Variants in OPCML observed in about 807,000 individuals in gnomAD.
The protein encoded by OPCML is opioid binding protein/cell adhesion molecule like, also known as opioid-binding protein/cell adhesion molecule.
In OPCML, 13 loss-of-function variants were observed where a neutral mutation model predicts 37.8. The ratio of observed to expected loss-of-function variants is 0.34; its 90% CI spans 0.22 to 0.55. The LOEUF (loss-of-function observed/expected upper bound fraction) is 0.55. Ranked by LOEUF, OPCML falls within the 20% of genes least tolerant of loss-of-function variation. The pLI is 0.91. For missense variants in OPCML, 341 were observed against 435.6 expected (o/e 0.78, Z 1.93); for synonymous variants, 176 against 168.8 (o/e 1.04, Z -0.33).
At chr11:132,676,630 T>C (rs1188061314) in intron 2 of OPCML, among the ~76,000 whole-genome samples, 2 of 151,520 alleles carry the variant, frequency 1.3e-5, no homozygotes, top group Non-Finnish European at 3.0e-5. Flanking sequence ...CAAAACTATC[T>C]GAATAGATAT....
intron 2 of OPCML, among the ~76,000 whole-genome samples, chr11:132,740,549 G>A (rs929166757): frequency 2.6e-5 from 4 of 152,142 alleles, no homozygotes; most frequent in East Asian, 1.9e-4. Flanking sequence ...AAGGTCTGGG[G>A]AGCCCTCTCA....
At chr11:133,420,610 G>A in intron 1 of OPCML, 1 of 985,100 alleles carries the variant, frequency 1.0e-6, no homozygotes, top group Non-Finnish European at 1.2e-6. Flanking sequence ...ATCACTATCT[G>A]TGGTAATGAT....
At chr11:132,672,211 T>G (rs1170129808) in intron 2 of OPCML, among the ~76,000 whole-genome samples, 2 of 152,136 alleles carry the variant, frequency 1.3e-5, no homozygotes, top group Non-Finnish European at 2.9e-5. Flanking sequence ...TCTACTCAAA[T>G]TAACTGTGGG....
chr11:133,044,991 T>C (rs570450512), intron 1 of OPCML, among the ~76,000 whole-genome samples: 111 of 152,134 alleles, frequency 7.3e-4, no homozygotes, highest in African/African-American at 2.5e-3. Flanking sequence ...TCTTTGGTTA[T>C]AAGCAAAAGA....
intron 1 of OPCML, among the ~76,000 whole-genome samples, chr11:133,500,506 G>A (rs974726663): frequency 1.3e-5 from 2 of 152,144 alleles, no homozygotes; most frequent in Non-Finnish European, 2.9e-5. Flanking sequence ...TATATTTCTC[G>A]AGTCTCCAGT....
chr11:132,791,194 A>G (rs1195408357), intron 2 of OPCML, among the ~76,000 whole-genome samples: 1 of 152,180 alleles, frequency 6.6e-6, no homozygotes, highest in African/African-American at 2.4e-5. Flanking sequence ...CTCGTCCACG[A>G]TCACACACTG....
chr11:132,722,873 T>C (rs985913633), intron 2 of OPCML, among the ~76,000 whole-genome samples: 6 of 152,206 alleles, frequency 3.9e-5, no homozygotes, highest in Non-Finnish European at 5.9e-5. Context: ...TCACTTTATA[T>C]GCTTTATCTT....
At chr11:133,444,093 CAG>C (rs1457351312) in intron 1 of OPCML, among the ~76,000 whole-genome samples, 1 of 152,078 alleles carries the variant, frequency 6.6e-6, no homozygotes, top group Non-Finnish European at 1.5e-5. Context: ...CCTCTGAGAA[CAG>C]GGGAGACACG....
chr11:133,389,951 C>T (rs1945132874), intron 1 of OPCML, among the ~76,000 whole-genome samples: 1 of 152,176 alleles, frequency 6.6e-6, no homozygotes, highest in Non-Finnish European at 1.5e-5. Flanking sequence ...TGAGGCCATC[C>T]CTGGAGCATG....
chr11:132,687,952 C>A (rs1361496668), intron 2 of OPCML, among the ~76,000 whole-genome samples: 1 of 152,072 alleles, frequency 6.6e-6, no homozygotes, highest in Non-Finnish European at 1.5e-5. Context: ...AGAATGCACT[C>A]CAGGAGACTT....
chr11:133,486,945 C>T (rs1408415594), intron 1 of OPCML, among the ~76,000 whole-genome samples: 1 of 151,370 alleles, frequency 6.6e-6, no homozygotes, highest in Non-Finnish European at 1.5e-5. Context: ...GCATCAAAAA[C>T]TCTCTGGCTC....
At chr11:133,037,903 G>C (rs1248203903) in intron 1 of OPCML, among the ~76,000 whole-genome samples, 1 of 152,216 alleles carries the variant, frequency 6.6e-6, no homozygotes, top group East Asian at 1.9e-4. Flanking sequence ...TCACACTCTT[G>C]CCCCTTCTGG....
chr11:132,469,781 G>GGTGTGAGTGTGT (rs1162301860), intron 4 of OPCML, among the ~76,000 whole-genome samples: 3 of 47,178 alleles, frequency 6.4e-5, no homozygotes, highest in Non-Finnish European at 5.4e-5. Flanking sequence ...TGTGTGGAGG[G>GGTGTGAGTGTGT]GTGTGTGTGT....
chr11:132,785,473 C>T (rs1458347279), intron 2 of OPCML, among the ~76,000 whole-genome samples: 1 of 152,186 alleles, frequency 6.6e-6, no homozygotes, highest in East Asian at 1.9e-4. Context: ...ATAAATGTTG[C>T]AGAAATATTT....
rs7927105 is a variant in OPCML, at chr11:133,185,183, C to T, written c.62-242173G>A. 3.2e-3 allele frequency among the ~76,000 whole-genome samples: 486 copies of T among 152,282 alleles called. 3 individuals carry two copies. Among genetic ancestry groups the T allele is most frequent in the African/African-American group, 0.01 (428 of 41,542 alleles). ...CAATCTATCAATCACTGTATTAGCC[C>T]TAAAATACCTTAAGAAAGGCAAGAA... On this transcript the variant is annotated intron_variant, in intron 1 of 7. Coordinates refer to ENST00000524381, the MANE Select transcript of OPCML (RefSeq NM_001012393.5).
At chr11:133,378,246 G>A (rs1014693397) in intron 1 of OPCML, among the ~76,000 whole-genome samples, 1 of 151,886 alleles carries the variant, frequency 6.6e-6, no homozygotes, top group Non-Finnish European at 1.5e-5. Context: ...TCTTTGTGTC[G>A]ATATAACTCT....
At chr11:133,388,594 G>A (rs1476328654) in intron 1 of OPCML, among the ~76,000 whole-genome samples, 1 of 152,206 alleles carries the variant, frequency 6.6e-6, no homozygotes, top group Non-Finnish European at 1.5e-5. Flanking sequence ...AGCCAGGAAT[G>A]TTGAACGTAC....
intron 4 of OPCML, among the ~76,000 whole-genome samples, chr11:132,455,790 C>T (rs2096080887): frequency 6.6e-6 from 1 of 152,092 alleles, no homozygotes; most frequent in Admixed American, 6.5e-5. Flanking sequence ...TTCATTCATT[C>T]ATTCATTCAT....
chr11:132,914,836 C>T (rs948215311), intron 2 of OPCML, among the ~76,000 whole-genome samples: 2 of 152,186 alleles, frequency 1.3e-5, no homozygotes, highest in African/African-American at 4.8e-5. Context: ...CGCCATTACA[C>T]AACACAAGGT....
Sources: allele counts gnomAD v4.1 joint callset (sites outside exome capture counted in the v4.1 genomes callset), GRCh38; gene constraint gnomAD v4.1.1; transcripts MANE v1.5; gene names NCBI Gene and HGNC (gene_info 2026-07-23, HGNC 2026-07-21).